Variants in CNTN4 observed in about 807,000 individuals in gnomAD.
The protein encoded by CNTN4 is contactin 4, also known as contactin-4.
A neutral mutation model predicts 122.5 loss-of-function variants in CNTN4; 77 were observed. That is an observed-to-expected ratio of 0.63 (90% confidence interval 0.52 to 0.76). The LOEUF is 0.76. Ranked by LOEUF, CNTN4 falls within the 30% of genes least tolerant of loss-of-function variation. The probability of loss-of-function intolerance (pLI) is 0.00; values close to 1 mark genes in which losing one functional copy is unlikely to be tolerated. For synonymous variants in CNTN4, 512 were observed against 447.0 expected (o/e 1.15, Z -1.83); for missense variants, 1,256 against 1,259.1 (o/e 1.00, Z 0.04).
intron 2 of CNTN4, among the ~76,000 whole-genome samples, chr3:2,170,129 G>C (rs1464792056): frequency 1.3e-5 from 2 of 151,958 alleles, no homozygotes; most frequent in African/African-American, 4.8e-5. Context: ...AGACCATCCT[G>C]GCTAACACGG....
At chr3:2,693,941 C>T (rs1473482853) in intron 4 of CNTN4, among the ~76,000 whole-genome samples, 2 of 152,166 alleles carry the variant, frequency 1.3e-5, no homozygotes, top group Non-Finnish European at 2.9e-5. Flanking sequence ...TATTATTAGA[C>T]ACATTCTTCT....
chr3:2,527,560 G>A (rs1174555134), intron 3 of CNTN4, among the ~76,000 whole-genome samples: 3 of 152,128 alleles, frequency 2.0e-5, no homozygotes, highest in Non-Finnish European at 4.4e-5. Context: ...CATATCGCCT[G>A]TTCTATCTTT....
intron 7 of CNTN4, among the ~76,000 whole-genome samples, chr3:2,850,418 C>T (rs202170319): frequency 6.6e-6 from 1 of 152,156 alleles, no homozygotes; most frequent in East Asian, 1.9e-4. Flanking sequence ...CAGTAATGAT[C>T]TCATGTATTT....
intron 7 of CNTN4, among the ~76,000 whole-genome samples, chr3:2,845,641 G>C (rs1331328616): frequency 6.6e-6 from 1 of 152,146 alleles, no homozygotes; most frequent in Non-Finnish European, 1.5e-5. Context: ...AGTAGAGATT[G>C]CAGTTTCATT....
intron 4 of CNTN4, chr3:2,735,998 A>G (rs1329215986): frequency 1.5e-6 from 1 of 670,212 alleles, no homozygotes; most frequent in South Asian, 1.4e-5. Context: ...ATTAGTGACC[A>G]ATGTGAAATA....
chr3:2,636,824 A>C (rs1434219167), intron 4 of CNTN4, among the ~76,000 whole-genome samples: 1 of 152,008 alleles, frequency 6.6e-6, no homozygotes, highest in African/African-American at 2.4e-5. Flanking sequence ...TGGCTTTAGA[A>C]TTGACAATAC....
chr3:2,345,422 G>C (rs2044366529), intron 3 of CNTN4, among the ~76,000 whole-genome samples: 1 of 152,066 alleles, frequency 6.6e-6, no homozygotes, highest in Non-Finnish European at 1.5e-5. Flanking sequence ...TCTTAAGTAT[G>C]GAAAAATATG....
At position 2,120,905 on chromosome 3, in the gene CNTN4, A is replaced by C. The variant is rs114768042; in HGVS notation, c.-145+20266A>C. Among the ~76,000 whole-genome samples the C allele has an allele frequency of 4.1e-3, 619 of 152,234 alleles. 5 individuals are homozygous for C. The highest frequency in any genetic ancestry group is 0.014 in the African/African-American group (590 of 41,548). On this transcript the variant is annotated intron_variant, in intron 2 of 24. Transcript: ENST00000418658. ...TGTTTCTATTATCTCAATTAAACCT[A>C]TAATAATCCTATGAACTAGATACTA... is the stretch of plus-strand genomic sequence containing the variant.
chr3:2,514,090 A>G (rs542773110), intron 3 of CNTN4, among the ~76,000 whole-genome samples: 2 of 152,302 alleles, frequency 1.3e-5, no homozygotes, highest in South Asian at 4.1e-4. Flanking sequence ...AGTGGAAAGA[A>G]TTTTGTAAAT....
chr3:2,760,932 T>C lies in CNTN4; in HGVS notation c.358+15235T>C, dbSNP rs146712739. On this transcript the variant is annotated intron_variant, in intron 6 of 24. Transcript: ENST00000418658. ...GATTTCCTAACAGCAGTCACTATTT[T>C]ACAGGCCAGGCACAATCTAAATCCA... is the stretch of plus-strand genomic sequence containing the variant. Among the ~76,000 whole-genome samples, 312 of 152,322 alleles carry C rather than the reference T, an allele frequency of 2.0e-3. 2 individuals are homozygous for C. Among genetic ancestry groups the C allele is most frequent in the African/African-American group, 7.2e-3 (301 of 41,582 alleles).
At chr3:2,171,843 T>C (rs151115285) in intron 2 of CNTN4, among the ~76,000 whole-genome samples, 1 of 152,354 alleles carries the variant, frequency 6.6e-6, no homozygotes, top group Non-Finnish European at 1.5e-5. Flanking sequence ...GTATTAATAT[T>C]GACTGTTGGG....
At chr3:2,234,417 A>T (rs890970496) in intron 2 of CNTN4, among the ~76,000 whole-genome samples, 1 of 149,620 alleles carries the variant, frequency 6.7e-6, no homozygotes, top group African/African-American at 2.5e-5. Flanking sequence ...GCGTCTGGCT[A>T]AGACTTACAA....
intron 13 of CNTN4, among the ~76,000 whole-genome samples, chr3:2,972,572 G>A (rs1276730284): frequency 3.3e-5 from 5 of 152,114 alleles, no homozygotes; most frequent in African/African-American, 1.2e-4. Context: ...AGCACATTTT[G>A]TTTGTTGCTC....
intron 3 of CNTN4, among the ~76,000 whole-genome samples, chr3:2,401,269 C>T (rs2046847353): frequency 6.6e-6 from 1 of 152,104 alleles, no homozygotes; most frequent in Non-Finnish European, 1.5e-5. Flanking sequence ...AGAGGTTTCT[C>T]AAGGTCAGAG....
At chr3:2,811,431 CCTTTA>C (rs911164998) in intron 6 of CNTN4, among the ~76,000 whole-genome samples, 5 of 148,806 alleles carry the variant, frequency 3.4e-5, no homozygotes, top group South Asian at 2.2e-4. Context: ...AAGTTTTGGT[CCTTTA>C]CTTTATTTTT....
At chr3:2,123,344 G>T (rs978593942) in intron 2 of CNTN4, among the ~76,000 whole-genome samples, 25 of 152,326 alleles carry the variant, frequency 1.6e-4, no homozygotes, top group African/African-American at 5.8e-4. Context: ...CCTGCTTCCA[G>T]AGGAGTTTTT....
At chr3:3,054,023 T>C in intron 24 of CNTN4, 48 bp downstream of exon 24, 2 of 1,595,804 alleles carry the variant, frequency 1.3e-6, no homozygotes, top group Non-Finnish European at 1.7e-6. Flanking sequence ...TCTTATCTTA[T>C]CAGCCTTCCA....
chr3:2,606,349 G>A (rs539604176), intron 4 of CNTN4, among the ~76,000 whole-genome samples: 5 of 152,160 alleles, frequency 3.3e-5, no homozygotes, highest in Non-Finnish European at 2.9e-5. Flanking sequence ...CAGGGGTCGA[G>A]GGGGAGGGAG....
At chr3:2,911,076 G>A (rs940246985) in intron 12 of CNTN4, among the ~76,000 whole-genome samples, 3 of 152,148 alleles carry the variant, frequency 2.0e-5, no homozygotes, top group Non-Finnish European at 4.4e-5. Flanking sequence ...AGAAAAGAGT[G>A]GAAGGTATAT....
Sources: gnomAD v4.1 joint callset for allele counts (sites outside exome capture counted in the v4.1 genomes callset) on GRCh38, gnomAD v4.1.1 for gene constraint, MANE v1.5 for transcripts, NCBI Gene and HGNC (gene_info 2026-07-23, HGNC 2026-07-21) for gene names.